ARHGAP26: variants seen among roughly 807,000 people sequenced by gnomAD.
The protein encoded by ARHGAP26 is Rho GTPase activating protein 26.
A neutral mutation model predicts 104.8 loss-of-function variants in ARHGAP26; 38 were observed. The observed-to-expected ratio is 0.36, with a 90% CI of 0.28 to 0.48. The LOEUF (loss-of-function observed/expected upper bound fraction) is 0.48. Ranked by LOEUF, ARHGAP26 falls within the 20% of genes least tolerant of loss-of-function variation. The pLI is 0.99. For missense variants in ARHGAP26, 704 were observed against 947.9 expected, an observed-to-expected ratio of 0.74 and a Z score of 3.38; for synonymous variants, 341 against 340.0, an observed-to-expected ratio of 1.00 and a Z score of -0.03.
chr5:143,060,844 T>C (rs962287288), intron 17 of ARHGAP26, among the ~76,000 whole-genome samples: 1 of 152,076 alleles, frequency 6.6e-6, no homozygotes, highest in Non-Finnish European at 1.5e-5. Flanking sequence ...GAATGGGCCA[T>C]ATGCAAGGAT....
intron 17 of ARHGAP26, among the ~76,000 whole-genome samples, chr5:143,111,865 C>T (rs1347500541): frequency 1.3e-5 from 2 of 152,148 alleles, no homozygotes; most frequent in Admixed American, 6.5e-5. Context: ...CTGCTGTGGC[C>T]AACCACGTCC....
At chr5:143,138,478 ATC>A (rs1248783585) in intron 19 of ARHGAP26, among the ~76,000 whole-genome samples, 1 of 152,240 alleles carries the variant, frequency 6.6e-6, no homozygotes, top group Non-Finnish European at 1.5e-5. Context: ...TATCAAAGTT[ATC>A]TGTAGACAGT....
intron 1 of ARHGAP26, among the ~76,000 whole-genome samples, chr5:142,809,167 G>T (rs894609996): frequency 1.2e-4 from 18 of 152,104 alleles, no homozygotes; most frequent in Non-Finnish European, 2.6e-4. Context: ...TAAAATGTGC[G>T]TTTTCAGTGT....
At chr5:142,957,490 C>CTCG (rs1488242420) in intron 11 of ARHGAP26, among the ~76,000 whole-genome samples, 2 of 152,178 alleles carry the variant, frequency 1.3e-5, no homozygotes, top group Admixed American at 6.5e-5. Context: ...TTAGGGGATT[C>CTCG]ACTTTGTGGC....
In ARHGAP26 at chr5:142,776,944, T is replaced by C. The variant is rs145048479; in HGVS notation, c.154+6029T>C. On this transcript the variant is annotated intron_variant, in intron 1 of 22. Transcript: ENST00000645722. ...CAATACTTGTTGTTGTCTTTCTTTT[T>C]GATTGTAGCCACTCTAGTGGGTGTG... 7.0e-3 allele frequency among the ~76,000 whole-genome samples: 1,065 copies of C among 152,342 alleles called. 13 individuals are homozygous for C. Among genetic ancestry groups the C allele is most frequent in the African/African-American group, 0.025 (1,023 of 41,584 alleles).
intron 11 of ARHGAP26, among the ~76,000 whole-genome samples, chr5:142,937,924 C>T (rs975186546): frequency 6.6e-6 from 1 of 151,794 alleles, no homozygotes; most frequent in Admixed American, 6.6e-5. Context: ...CAAGCAAGTC[C>T]TTCGTGGTGA....
rs972646036 is a variant in ARHGAP26 at position 143,184,881 on chromosome 5, C to T, written c.1989-22317C>T. ...CTGGGGGTGGGATTATAAAGGAGTG[C>T]GACCTTTCTGGCAATACGTGTTGTA... is the stretch of plus-strand genomic sequence containing the variant. On this transcript the variant is annotated intron_variant, in intron 20 of 22. Coordinates refer to ENST00000645722, the MANE Select transcript of ARHGAP26 (RefSeq NM_001135608.3). Among the ~76,000 whole-genome samples the T allele has an allele frequency of 9.2e-5, 14 of 152,208 alleles. 1 individual carries two copies. Among genetic ancestry groups the T allele is most frequent in the Admixed American group, 6.5e-4 (10 of 15,288 alleles).
chr5:143,158,351 AG>A (rs1417385214), intron 20 of ARHGAP26, among the ~76,000 whole-genome samples: 1 of 152,244 alleles, frequency 6.6e-6, no homozygotes, highest in Non-Finnish European at 1.5e-5. Flanking sequence ...CTTCCAAGAC[AG>A]GCATCGAACT....
chr5:143,215,981 T>A (rs557747682), intron 22 of ARHGAP26, among the ~76,000 whole-genome samples: 1 of 152,296 alleles, frequency 6.6e-6, no homozygotes, highest in Admixed American at 6.5e-5. Flanking sequence ...AGGAGTGGGA[T>A]TGCAGGGTCA....
intron 22 of ARHGAP26, 63 bp from the exon 23 acceptor site, chr5:143,222,295 C>T (rs1287206024): frequency 2.5e-6 from 3 of 1,201,676 alleles, no homozygotes; most frequent in African/African-American, 3.0e-5. Flanking sequence ...CCCACACACA[C>T]ATCTGCCGCC....
intron 5 of ARHGAP26, among the ~76,000 whole-genome samples, chr5:142,888,359 A>T (rs1412038432): frequency 1.3e-5 from 2 of 152,110 alleles, no homozygotes; most frequent in African/African-American, 4.8e-5. Flanking sequence ...CATGATATAG[A>T]ATTAGAGAGA....
chr5:142,827,691 T>C (rs1767566158), intron 1 of ARHGAP26, among the ~76,000 whole-genome samples: 1 of 152,198 alleles, frequency 6.6e-6, no homozygotes, highest in Non-Finnish European at 1.5e-5. Context: ...TGTTCCTGGC[T>C]CTGCTGCTTA....
chr5:142,899,391 T>C (rs1759949544), intron 6 of ARHGAP26, among the ~76,000 whole-genome samples: 1 of 152,212 alleles, frequency 6.6e-6, no homozygotes, highest in African/African-American at 2.4e-5. Context: ...AAATAAATTA[T>C]GTTGTCAGCT....
chr5:142,964,545 C>A lies in ARHGAP26; in HGVS notation c.1107+32420C>A, dbSNP rs2545746. ...ATGCCTTGCTTTTCTCTGTTTAAAA[C>A]ACACACACACACACACACACACACA... On this transcript the variant is annotated intron_variant, in intron 11 of 22. Coordinates refer to ENST00000645722, the MANE Select transcript of ARHGAP26 (RefSeq NM_001135608.3). 8.5e-3 allele frequency among the ~76,000 whole-genome samples: 427 copies of A among 50,008 alleles called. 1 individual carries two copies. In the East Asian group the frequency reaches 0.22, roughly 26 times the overall value. The allele number at this position is 50,008 out of a possible 152,430, so 32.8% of individuals were successfully genotyped here.
chr5:142,899,337 A>G (rs1759941833), intron 6 of ARHGAP26, among the ~76,000 whole-genome samples: 1 of 152,236 alleles, frequency 6.6e-6, no homozygotes, highest in Non-Finnish European at 1.5e-5. Flanking sequence ...TGATGCAGCC[A>G]GCATTAACTT....
At chr5:142,989,169 T>A (rs245720) in intron 11 of ARHGAP26, among the ~76,000 whole-genome samples, 6 of 152,144 alleles carry the variant, frequency 3.9e-5, no homozygotes, top group Non-Finnish European at 7.3e-5. Flanking sequence ...ATGAATCTGG[T>A]TGCTCCTGTA....
chr5:142,840,517 T>A (rs1770554571), intron 1 of ARHGAP26, among the ~76,000 whole-genome samples: 1 of 152,210 alleles, frequency 6.6e-6, no homozygotes, highest in Non-Finnish European at 1.5e-5. Context: ...GTTCTACTCT[T>A]ATGAACCTTC....
chr5:142,796,054 CTGTGTGTG>C (rs71890315), intron 1 of ARHGAP26, among the ~76,000 whole-genome samples: 2,168 of 144,132 alleles, frequency 0.015, 51 homozygotes, highest in African/African-American at 0.051. Flanking sequence ...AGGTGTTTTT[CTGTGTGTG>C]TGTGTGTGTG....
chr5:142,894,183 A>G (rs1264549267), intron 5 of ARHGAP26, 55 bp from the exon 6 acceptor site: 2 of 1,475,652 alleles, frequency 1.4e-6, no homozygotes, highest in Non-Finnish European at 1.9e-6. Flanking sequence ...TGCTTTCGGA[A>G]TGCTATCCTT....
Sources: gnomAD v4.1 joint callset for allele counts (sites outside exome capture counted in the v4.1 genomes callset) on GRCh38, gnomAD v4.1.1 for gene constraint, MANE v1.5 for transcripts, NCBI Gene and HGNC (gene_info 2026-07-23, HGNC 2026-07-21) for gene names.